PCDHGB1: variants seen among roughly 807,000 people sequenced by gnomAD.
PCDHGB1 encodes protocadherin gamma subfamily B, 1, also known as protocadherin gamma-B1.
PCDHGB1 carries 34 observed loss-of-function variants against 56.6 expected under a neutral mutation model. The ratio of observed to expected loss-of-function variants is 0.60; its 90% CI spans 0.46 to 0.80. The LOEUF is 0.80. Ranked by LOEUF, PCDHGB1 falls within the 30% of genes least tolerant of loss-of-function variation. PCDHGB1 has a pLI of 0.00. For missense variants in PCDHGB1, 1,278 were observed against 1,204.6 expected, an observed-to-expected ratio of 1.06 and a Z score of -0.90; for synonymous variants, 561 against 505.9, an observed-to-expected ratio of 1.11 and a Z score of -1.46.
intron 1 of PCDHGB1, among the ~76,000 whole-genome samples, chr5:141,451,387 T>C (rs1039738460): frequency 6.6e-6 from 1 of 152,116 alleles, no homozygotes; most frequent in African/African-American, 2.4e-5. Flanking sequence ...TCTCACATAG[T>C]TAATGGCAAA....
chr5:141,491,810 G>T lies in PCDHGB1; in HGVS notation c.2410-2997G>T. 1 of 1,486,878 alleles carries T rather than the reference G, an allele frequency of 6.7e-7. No individual in the cohort carries two copies. The allele number at this position is 1,486,878 out of a possible 1,614,324, so 92.1% of individuals were successfully genotyped here. A position where few individuals can be genotyped will look rare whatever the true frequency, so the allele number is the denominator to read the frequency against. ...CCACTCCTCTCCGGCCGGCTTGGTC[G>T]CTGGCTGCGCTCCACCCGATTCTCG... On this transcript the variant is annotated intron_variant, in intron 1 of 3. Coordinates refer to ENST00000523390, the MANE Select transcript of PCDHGB1 (RefSeq NM_018922.3). This position sits in a 1 kb window ranked among gnomAD's most constrained non-coding sequence, Gnocchi z 6.9.
In PCDHGB1 at chr5:141,383,199, G is replaced by A. The variant is rs574670513; in HGVS notation, c.2409+30530G>A. The stretch of plus-strand genomic sequence containing the variant: ...GGGAAGAGATCTGCGCTCAGAGTGC[G>A]CGGTGTCTGGTAAACTTTAACATCC... On this transcript the variant is annotated intron_variant, in intron 1 of 3. Transcript: ENST00000523390. 6.2e-6 allele frequency: 10 copies of A among 1,614,040 alleles called. No homozygotes were observed. The East Asian group carries it at 1.8e-4, about 29-fold the overall frequency.
intron 1 of PCDHGB1, chr5:141,427,884 G>T (rs1346875505): frequency 5.1e-6 from 8 of 1,564,634 alleles, no homozygotes; most frequent in African/African-American, 2.7e-5. Flanking sequence ...GCAGGCCCAC[G>T]ACCAGGGCTC....
At chr5:141,430,771 G>A (rs772862341) in intron 1 of PCDHGB1, 37 of 1,506,734 alleles carry the variant, frequency 2.5e-5, no homozygotes, top group Non-Finnish European at 2.7e-5. Flanking sequence ...TGATTCCTGC[G>A]CGACTGCACC....
intron 2 of PCDHGB1, among the ~76,000 whole-genome samples, chr5:141,501,334 C>T (rs1462003251): frequency 6.9e-6 from 1 of 145,376 alleles, no homozygotes; most frequent in Non-Finnish European, 1.5e-5. Context: ...CACACACACA[C>T]CCCAAACTCA....
At chr5:141,368,562 A>T (rs1765727979) in intron 1 of PCDHGB1, among the ~76,000 whole-genome samples, 1 of 152,144 alleles carries the variant, frequency 6.6e-6, no homozygotes, top group African/African-American at 2.4e-5. Flanking sequence ...AGAAAATGTT[A>T]TATGCTTCTT....
intron 1 of PCDHGB1, among the ~76,000 whole-genome samples, chr5:141,458,871 T>C (rs2098955493): frequency 6.6e-6 from 1 of 152,210 alleles, no homozygotes; most frequent in African/African-American, 2.4e-5. Flanking sequence ...TAGCTGGGAC[T>C]ACAGGCATGC....
At chr5:141,418,667 G>A (rs1561775322) in intron 1 of PCDHGB1, 1 of 1,614,036 alleles carries the variant, frequency 6.2e-7, no homozygotes, top group Admixed American at 1.7e-5. Flanking sequence ...CACTGACCAG[G>A]ACGAGGGCAT....
At position 141,399,361 on chromosome 5, in the gene PCDHGB1, C is replaced by T. The variant is rs375619778; in HGVS notation, c.2409+46692C>T. 7.2e-5 allele frequency: 117 copies of T among 1,613,842 alleles called. No individual in the cohort carries two copies. Among genetic ancestry groups the T allele is most frequent in the Non-Finnish European group, 9.7e-5 (115 of 1,179,910 alleles). ...TGGAACCCTAGACCGAGAGCAAACC[C>T]CGGAGTACAATGTCACCATCACAGC... On this transcript the variant is annotated intron_variant, in intron 1 of 3. Transcript: ENST00000523390.
In PCDHGB1 at chr5:141,431,024, A is replaced by G; in HGVS notation, c.2410-63783A>G. ...CAGCGGCAGCTTGGTCACGGCGGGCAGGATAGACCGGGAGGAGCTCTGTAT... is the reference window on the plus strand; with the variant it reads ...CAGCGGCAGCTTGGTCACGGCGGGCGGGATAGACCGGGAGGAGCTCTGTAT... On this transcript the variant is annotated intron_variant, in intron 1 of 3. Transcript: ENST00000523390. The surrounding 1 kb of genome is among the most constrained non-coding windows in gnomAD (Gnocchi z 4.8). 2.5e-6 allele frequency: 4 copies of G among 1,614,024 alleles called. No homozygotes were observed. The highest frequency in any genetic ancestry group is 3.4e-6 in the Non-Finnish European group (4 of 1,179,926).
rs751887071 is a variant in PCDHGB1 at position 141,350,727 on chromosome 5, A to T, written c.467A>T (p.Asp156Val). The change falls in exon 1 of 4, where the codon GAT (aspartate) becomes GTT (valine). Residue 156 changes from aspartate (D) to valine (V), a missense_variant. Asp to Val is a radical substitution (Grantham distance 152). Coordinates refer to ENST00000523390, the MANE Select transcript of PCDHGB1 (RefSeq NM_018922.3). ...AAATTCTCTCTGGATTCTGCTCAAG[A>T]TGCAGATGTGGAAGGCAATTCACTG... is the stretch of plus-strand genomic sequence containing the variant. ...GVKFSLDSAQ[D>V]ADVEGNSLKL... 6.2e-7 allele frequency: 1 copy of T among 1,613,844 alleles called. No homozygotes were observed. Among genetic ancestry groups the T allele is most frequent in the Non-Finnish European group, 8.5e-7 (1 of 1,179,884 alleles).
intron 1 of PCDHGB1, among the ~76,000 whole-genome samples, chr5:141,483,010 G>C (rs574078222): frequency 6.6e-6 from 1 of 152,006 alleles, no homozygotes; most frequent in Non-Finnish European, 1.5e-5. Flanking sequence ...GCTTGAACCC[G>C]GGAGGCAGAG....
At chr5:141,355,957 G>C in intron 1 of PCDHGB1, 1 of 1,613,890 alleles carries the variant, frequency 6.2e-7, no homozygotes, top group Non-Finnish European at 8.5e-7. Context: ...AAGTGTTCGT[G>C]AGAACGTTCC....
At chr5:141,494,099 C>T (rs976610819) in intron 1 of PCDHGB1, among the ~76,000 whole-genome samples, 3 of 152,172 alleles carry the variant, frequency 2.0e-5, no homozygotes, top group South Asian at 2.1e-4. Context: ...CATTTTTCTC[C>T]GTCTCAGACA....
At chr5:141,410,830 G>T in intron 1 of PCDHGB1, 11 of 332,874 alleles carry the variant, frequency 3.3e-5, no homozygotes, top group East Asian at 5.9e-5. Context: ...TCACCAGACT[G>T]AAGATATTTT....
At chr5:141,417,821 A>C in intron 1 of PCDHGB1, 3 of 1,515,060 alleles carry the variant, frequency 2.0e-6, no homozygotes, top group Non-Finnish European at 1.8e-6. Context: ...ACTTTCTCCA[A>C]CTGGAAAAGC....
chr5:141,386,377 T>G (rs535243472), intron 1 of PCDHGB1, among the ~76,000 whole-genome samples: 33 of 152,286 alleles, frequency 2.2e-4, no homozygotes, highest in African/African-American at 7.9e-4. Flanking sequence ...CTTTGAGTAT[T>G]AATTAAAAAC....
At chr5:141,421,619 C>G in intron 1 of PCDHGB1, 1 of 1,613,694 alleles carries the variant, frequency 6.2e-7, no homozygotes, top group Non-Finnish European at 8.5e-7. Flanking sequence ...AATGATAACG[C>G]CCCCAGCTTC....
intron 1 of PCDHGB1, chr5:141,427,068 G>A (rs1407368715): frequency 2.2e-6 from 1 of 457,950 alleles, no homozygotes; most frequent in East Asian, 6.9e-5. Flanking sequence ...TGTACTAAAG[G>A]TGACAGCCAC....
Sources: allele counts gnomAD v4.1 joint callset (sites outside exome capture counted in the v4.1 genomes callset), GRCh38; gene constraint gnomAD v4.1.1; non-coding constraint Gnocchi (gnomAD v3.1); transcripts MANE v1.5; gene names NCBI Gene and HGNC (gene_info 2026-07-23, HGNC 2026-07-21).